CPED1: variants seen among roughly 807,000 people sequenced by gnomAD.
CPED1 encodes the protein cadherin like and PC-esterase domain containing 1.
CPED1 carries 114 observed loss-of-function variants against 128.2 expected under a neutral mutation model. The ratio of observed to expected loss-of-function variants is 0.89; its 90% CI spans 0.76 to 1.04. CPED1 has a LOEUF of 1.04. Among genes scored for constraint, CPED1 ranks in the 50% least tolerant of loss-of-function variants. The pLI is 0.00. For synonymous variants in CPED1, 462 were observed against 426.7 expected (o/e 1.08, Z -1.02); for missense variants, 1,211 against 1,207.1 (o/e 1.00, Z -0.05).
chr7:121,236,099 G>A (rs996446213), intron 16 of CPED1, among the ~76,000 whole-genome samples: 3 of 152,098 alleles, frequency 2.0e-5, no homozygotes, highest in African/African-American at 7.2e-5. Context: ...TCAGTGGATG[G>A]GGCAGAGGAA....
intron 16 of CPED1, among the ~76,000 whole-genome samples, chr7:121,213,438 AT>A (rs1797690607): frequency 6.6e-6 from 1 of 152,010 alleles, no homozygotes. Flanking sequence ...TATAAATGGC[AT>A]TTCCCTTTCT....
intron 5 of CPED1, among the ~76,000 whole-genome samples, chr7:121,068,175 A>C (rs1390467864): frequency 6.6e-6 from 1 of 152,242 alleles, no homozygotes; most frequent in East Asian, 1.9e-4. Context: ...TGTTTTAGAC[A>C]AGAAGTCCTT....
rs1173380643 is a variant in CPED1, at chr7:121,296,126, G to A, written c.*474G>A. 1 of 153,360 alleles carries A rather than the reference G, an allele frequency of 6.5e-6. No individual in the cohort carries two copies. The highest frequency in any genetic ancestry group is 2.4e-5 in the African/African-American group (1 of 41,446). 9.5% of individuals were successfully genotyped at this position (153,360 alleles called of 1,614,324 possible). ...ATTCTTTACCAGGAGAAAATGTGATGTTTATGATGGCTTAGGCTTTGTGAA... is the reference window on the plus strand; with the variant it reads ...ATTCTTTACCAGGAGAAAATGTGATATTTATGATGGCTTAGGCTTTGTGAA... On this transcript the variant is annotated 3_prime_UTR_variant, in exon 23 of 23. Transcript: ENST00000310396.
Position 120,989,551 on chromosome 7 carries a change from A to T in CPED1, c.-71A>T. On this transcript the variant is annotated 5_prime_UTR_variant, in exon 2 of 23. It removes an upstream start codon present in the reference 5' UTR. Transcript: ENST00000310396. ...AAAAGAAGACAGATTAGTATTTTTC[A>T]TGCTGACAAAAAATAGCTGCTATGA... 2 of 1,565,924 alleles carry T rather than the reference A, an allele frequency of 1.3e-6. No individual in the cohort carries two copies. The highest frequency in any genetic ancestry group is 4.5e-5 in the East Asian group (2 of 44,468).
At chr7:121,085,401 G>A (rs965387210) in intron 5 of CPED1, among the ~76,000 whole-genome samples, 1 of 152,124 alleles carries the variant, frequency 6.6e-6, no homozygotes, top group Non-Finnish European at 1.5e-5. Flanking sequence ...TTTCAGTTCA[G>A]TAGGCAAAAT....
intron 4 of CPED1, chr7:121,050,926 C>A: frequency 4.1e-6 from 2 of 489,470 alleles, no homozygotes; most frequent in South Asian, 3.1e-5. Flanking sequence ...AGAAGAAGGT[C>A]ATGAAGGGAC....
At chr7:121,111,082 G>A (rs1795095707) in intron 7 of CPED1, among the ~76,000 whole-genome samples, 1 of 152,062 alleles carries the variant, frequency 6.6e-6, no homozygotes, top group Admixed American at 6.6e-5. Flanking sequence ...AGGAGGAATG[G>A]GAAAGAGAAA....
At chr7:121,009,069 G>T (rs1792096755) in intron 2 of CPED1, among the ~76,000 whole-genome samples, 1 of 151,740 alleles carries the variant, frequency 6.6e-6, no homozygotes, top group African/African-American at 2.4e-5. Context: ...TGACTTACTG[G>T]GTTTATCCTA....
At chr7:121,122,365 T>A (rs1795412155) in intron 7 of CPED1, among the ~76,000 whole-genome samples, 1 of 152,192 alleles carries the variant, frequency 6.6e-6, no homozygotes, top group African/African-American at 2.4e-5. Context: ...GGTCTCGAAC[T>A]CCTGATCTCA....
At chr7:121,271,669 G>C (rs566007579) in intron 22 of CPED1, among the ~76,000 whole-genome samples, 1 of 152,172 alleles carries the variant, frequency 6.6e-6, no homozygotes, top group Non-Finnish European at 1.5e-5. Flanking sequence ...AGAACAATTG[G>C]TCAATGGAGG....
intron 6 of CPED1, 77 bp downstream of exon 6, chr7:121,097,908 A>T: frequency 1.4e-6 from 2 of 1,432,114 alleles, no homozygotes; most frequent in African/African-American, 1.4e-5. Context: ...CACAGAACAG[A>T]TATGGGGGGT....
intron 3 of CPED1, 82 bp downstream of exon 3, chr7:121,015,930 T>TA: frequency 2.9e-6 from 3 of 1,022,618 alleles, no homozygotes; most frequent in Non-Finnish European, 3.8e-6. Flanking sequence ...TATCTCCCTC[T>TA]AAAAAAATTT....
intron 7 of CPED1, among the ~76,000 whole-genome samples, chr7:121,118,828 G>C (rs1314318904): frequency 6.6e-6 from 1 of 152,070 alleles, no homozygotes; most frequent in Non-Finnish European, 1.5e-5. Flanking sequence ...AGCAAGAGGG[G>C]ATGGCCGGGA....
chr7:121,084,913 C>T (rs1427913895), intron 5 of CPED1, among the ~76,000 whole-genome samples: 1 of 152,116 alleles, frequency 6.6e-6, no homozygotes, highest in Non-Finnish European at 1.5e-5. Context: ...AAAGAAATAC[C>T]AGATCTATCT....
intron 14 of CPED1, among the ~76,000 whole-genome samples, chr7:121,137,392 T>A (rs545152795): frequency 6.6e-6 from 1 of 152,088 alleles, no homozygotes; most frequent in South Asian, 2.1e-4. Flanking sequence ...AGGCTGGTCT[T>A]GAGTTCCTGA....
rs189945745 is a variant in CPED1 at position 121,008,425 on chromosome 7, T to C, written c.250-7240T>C. Among the ~76,000 whole-genome samples the C allele has an allele frequency of 2.0e-5, 3 of 152,288 alleles. No individual in the cohort carries two copies. In the East Asian group the frequency reaches 5.8e-4, roughly 29 times the overall value. ...CCACTCACAATAAAAAGTATTATGG[T>C]ACTGGCCTTCAAGGTCAACAGCAAG... On this transcript the variant is annotated intron_variant, in intron 2 of 22. Coordinates refer to ENST00000310396, the MANE Select transcript of CPED1 (RefSeq NM_024913.5).
chr7:121,118,586 GA>G lies in CPED1; in HGVS notation c.919-5735del, dbSNP rs748045661. On this transcript the variant is annotated intron_variant, in intron 7 of 22. Transcript: ENST00000310396. ...AAAAAAAAAAAAACAGAGAGAGAAA[GA>G]AAAAAAAAACCATATCTATCTGAGA... Among the ~76,000 whole-genome samples the G allele has an allele frequency of 1.2e-4, 18 of 144,252 alleles. 1 individual carries two copies. In the South Asian group the frequency reaches 1.5e-3, roughly 12 times the overall value. The allele number at this position is 144,252 out of a possible 152,430, so 94.6% of individuals were successfully genotyped here.
intron 2 of CPED1, among the ~76,000 whole-genome samples, chr7:121,002,098 G>C (rs551432388): frequency 1.1e-4 from 16 of 152,210 alleles, no homozygotes; most frequent in Admixed American, 6.6e-4. Context: ...ATAAAGTTAT[G>C]TTTCAAAATG....
intron 4 of CPED1, among the ~76,000 whole-genome samples, chr7:121,055,309 C>T (rs898164254): frequency 6.6e-6 from 1 of 151,968 alleles, no homozygotes; most frequent in Non-Finnish European, 1.5e-5. Context: ...AGCTGCCCAA[C>T]GTTTCTATAA....
Sources: gnomAD v4.1 joint callset for allele counts (sites outside exome capture counted in the v4.1 genomes callset) on GRCh38, gnomAD v4.1.1 for gene constraint, MANE v1.5 for transcripts, NCBI Gene and HGNC (gene_info 2026-07-23, HGNC 2026-07-21) for gene names.